LMO7: variants seen among roughly 807,000 people sequenced by gnomAD.
The protein encoded by LMO7 is LIM domain only protein 7.
A neutral mutation model predicts 206.5 loss-of-function variants in LMO7; 120 were observed. The ratio of observed to expected loss-of-function variants is 0.58; its 90% CI spans 0.50 to 0.68. The LOEUF is 0.68. LMO7 is among the 30% of genes least tolerant of loss of function. The pLI is 0.00. For synonymous variants in LMO7, 706 were observed against 681.5 expected, an observed-to-expected ratio of 1.04 and a Z score of -0.56; for missense variants, 1,959 against 1,957.9, an observed-to-expected ratio of 1.00 and a Z score of -0.01.
At chr13:75,715,033 A>G (rs2043418987) in intron 2 of LMO7, among the ~76,000 whole-genome samples, 1 of 152,208 alleles carries the variant, frequency 6.6e-6, no homozygotes, top group South Asian at 2.1e-4. Flanking sequence ...TGATCTTTCA[A>G]AGAAGTAATT....
rs754659906 is a variant in LMO7 at position 75,849,123 on chromosome 13, C to G, written c.4195C>G (p.Gln1399Glu). 4 of 1,611,550 alleles carry G rather than the reference C, an allele frequency of 2.5e-6. No individual in the cohort carries two copies. Among genetic ancestry groups the G allele is most frequent in the Non-Finnish European group, 3.4e-6 (4 of 1,177,752 alleles). ...CCAAATTGGGAACATGACCTCTTCA[C>G]AGAGGAGATCCAAGAAAGAACAAGT... The part of the protein sequence containing the change: ...LDQIGNMTSS[Q>E]RRSKKEQVPS... Residue 1399 changes from glutamine (Q) to glutamate (E), a missense_variant, in exon 27 of 31, where the codon CAG (glutamine) becomes GAG (glutamate). Coordinates refer to ENST00000377534, the MANE Select transcript of LMO7 (RefSeq NM_001306080.2).
intron 1 of LMO7, among the ~76,000 whole-genome samples, chr13:75,711,517 A>C (rs1231163260): frequency 1.3e-5 from 2 of 151,962 alleles, no homozygotes; most frequent in Non-Finnish European, 2.9e-5. Context: ...GCCGTCTGTC[A>C]CCCCTGTCTT....
intron 2 of LMO7, 30 bp from the exon 3 acceptor site, chr13:75,726,999 T>G: frequency 2.4e-6 from 3 of 1,249,294 alleles, no homozygotes; most frequent in Admixed American, 1.7e-5. Flanking sequence ...TGGCATCTTG[T>G]AATTGCATCT....
At chr13:75,757,004 T>G (rs2047728651) in intron 3 of LMO7, among the ~76,000 whole-genome samples, 1 of 152,188 alleles carries the variant, frequency 6.6e-6, no homozygotes, top group African/African-American at 2.4e-5. Flanking sequence ...TATGTTCTTT[T>G]GTACCTACAT....
In LMO7 at chr13:75,727,103, G is replaced by A; in HGVS notation, c.210+5G>A. ...TCTACACCAATAGCAGGATTGGTAA[G>A]TAGTAAATTATCTTCACAACTAAAT... On this transcript the variant is annotated splice_donor_5th_base_variant and intron_variant, in intron 3 of 30. Transcript: ENST00000377534. 1 of 1,537,998 alleles carries A rather than the reference G, an allele frequency of 6.5e-7. No homozygotes were observed. Among genetic ancestry groups the A allele is most frequent in the Non-Finnish European group, 9.0e-7 (1 of 1,114,082 alleles).
chr13:75,626,595 A>ATATTTT, intron 2 of LMO7, among the ~76,000 whole-genome samples: 1 of 71,184 alleles, frequency 1.4e-5, no homozygotes, highest in African/African-American at 3.6e-5. Context: ...ATATATATAA[A>ATATTTT]TTTTTTTGAG....
At chr13:75,800,905 G>A (rs750038651) in intron 7 of LMO7, 23 bp downstream of exon 7, 1 of 1,608,706 alleles carries the variant, frequency 6.2e-7, no homozygotes, top group African/African-American at 1.3e-5. Flanking sequence ...TTGGCTGTCA[G>A]TTTATTTGTT....
chr13:75,716,651 ATCTG>A (rs1202652779), intron 2 of LMO7, among the ~76,000 whole-genome samples: 1 of 152,078 alleles, frequency 6.6e-6, no homozygotes, highest in Non-Finnish European at 1.5e-5. Flanking sequence ...GTGTTCATTA[ATCTG>A]TCTTCTTTCT....
intron 1 of LMO7, among the ~76,000 whole-genome samples, chr13:75,676,505 G>A (rs1457598495): frequency 1.3e-5 from 2 of 152,144 alleles, no homozygotes; most frequent in Admixed American, 1.3e-4. Flanking sequence ...TGTAACACCG[G>A]GGTGGAGAGC....
chr13:75,858,182 G>T lies in LMO7; in HGVS notation c.*239G>T, dbSNP rs1448584196. The T allele has an allele frequency of 1.8e-5, 7 of 390,114 alleles. No individual in the cohort carries two copies. The East Asian group carries it at 2.6e-4, about 15-fold the overall frequency. The allele number at this position is 390,114 out of a possible 1,614,324, so 24.2% of individuals were successfully genotyped here. Reference sequence around the variant, plus strand: ...GTGCAGTATTTACCTGTTGAATTCAGCATCTTGAGAGCACAAGGGAAAAAA... The same window carrying T: ...GTGCAGTATTTACCTGTTGAATTCATCATCTTGAGAGCACAAGGGAAAAAA... On this transcript the variant is annotated 3_prime_UTR_variant, in exon 31 of 31. Coordinates refer to ENST00000377534, the MANE Select transcript of LMO7 (RefSeq NM_001306080.2).
At chr13:75,848,454 TCTATCTATCTATCTAA>T (rs1456570461) in intron 26 of LMO7, among the ~76,000 whole-genome samples, 7 of 151,946 alleles carry the variant, frequency 4.6e-5, no homozygotes, top group African/African-American at 1.5e-4. Context: ...TATCTATCTA[TCTATCTATCTATCTAA>T]CTATCTCACA....
intron 4 of LMO7, among the ~76,000 whole-genome samples, chr13:75,790,498 G>A (rs538624437): frequency 6.6e-6 from 1 of 152,262 alleles, no homozygotes; most frequent in East Asian, 1.9e-4. Flanking sequence ...CCTCCTCAGG[G>A]AACGACCCGG....
At chr13:75,691,617 A>C (rs1236621690) in intron 1 of LMO7, among the ~76,000 whole-genome samples, 2 of 152,074 alleles carry the variant, frequency 1.3e-5, no homozygotes, top group Non-Finnish European at 2.9e-5. Flanking sequence ...TTTGAAACCC[A>C]GTCCTCTCTT....
intron 3 of LMO7, among the ~76,000 whole-genome samples, chr13:75,739,993 C>T (rs2046289190): frequency 6.6e-6 from 1 of 152,106 alleles, no homozygotes; most frequent in Admixed American, 6.5e-5. Context: ...TCTTTCTCAT[C>T]TAAGTTGAAA....
intron 13 of LMO7, 117 bp downstream of exon 13, chr13:75,819,652 A>G (rs1182985112): frequency 1.3e-5 from 14 of 1,037,188 alleles, no homozygotes; most frequent in South Asian, 3.2e-5. Context: ...ACTTTAGTCA[A>G]ATATGCAAAG....
chr13:75,737,842 C>CAAAAAAAAAAA (rs768622923), intron 3 of LMO7, among the ~76,000 whole-genome samples: 2 of 37,726 alleles, frequency 5.3e-5, no homozygotes, highest in Admixed American at 3.7e-4. Flanking sequence ...AGGAAGCTGC[C>CAAAAAAAAAAA]AAAAAAAAAA....
chr13:75,838,689 G>T (rs547845104), intron 20 of LMO7, among the ~76,000 whole-genome samples: 1 of 152,292 alleles, frequency 6.6e-6, no homozygotes, highest in African/African-American at 2.4e-5. Flanking sequence ...GCTTTGGAGT[G>T]TTGATTTGAC....
upstream of LMO7, among the ~76,000 whole-genome samples, chr13:75,634,919 T>C (rs1033505446): frequency 7.2e-5 from 11 of 152,018 alleles, no homozygotes; most frequent in African/African-American, 2.7e-4. Context: ...GGCAAGAGAA[T>C]TGCTTGAACC....
intron 4 of LMO7, among the ~76,000 whole-genome samples, chr13:75,781,566 T>G (rs1015817207): frequency 1.3e-5 from 2 of 152,016 alleles, no homozygotes; most frequent in African/African-American, 4.8e-5. Flanking sequence ...TTTGCTATTG[T>G]GAATAGTGCC....
Sources: gnomAD v4.1 joint callset for allele counts (sites outside exome capture counted in the v4.1 genomes callset) on GRCh38, gnomAD v4.1.1 for gene constraint, MANE v1.5 for transcripts, NCBI Gene and HGNC (gene_info 2026-07-23, HGNC 2026-07-21) for gene names.